Variants in PTPRD observed in about 807,000 individuals in gnomAD.
PTPRD encodes the protein receptor-type tyrosine-protein phosphatase delta.
In PTPRD, 34 loss-of-function variants were observed where a neutral mutation model predicts 214.5. The observed-to-expected ratio is 0.16, with a 90% CI of 0.12 to 0.21. The LOEUF (loss-of-function observed/expected upper bound fraction) is 0.21, where lower values mean the gene tolerates loss of function less well. PTPRD is among the 10% of genes least tolerant of loss of function. PTPRD has a pLI of 1.00. For missense variants in PTPRD, 2,545 were observed against 2,398.7 expected, an observed-to-expected ratio of 1.06 and a Z score of -1.27; for synonymous variants, 1,128 against 845.7, an observed-to-expected ratio of 1.33 and a Z score of -5.79.
chr9:9,077,220 G>A (rs1192844756), intron 10 of PTPRD, among the ~76,000 whole-genome samples: 1 of 150,546 alleles, frequency 6.6e-6, no homozygotes, highest in Non-Finnish European at 1.5e-5. Context: ...CCCTTCATGA[G>A]ATGTGATGTA....
At chr9:10,363,175 G>T (rs1421954071) in intron 2 of PTPRD, among the ~76,000 whole-genome samples, 1 of 152,066 alleles carries the variant, frequency 6.6e-6, no homozygotes, top group African/African-American at 2.4e-5. Flanking sequence ...TGTGAATCTT[G>T]TTAAAATGCA....
intron 10 of PTPRD, among the ~76,000 whole-genome samples, chr9:9,136,687 G>C (rs1376335964): frequency 6.6e-6 from 1 of 152,114 alleles, no homozygotes; most frequent in Non-Finnish European, 1.5e-5. Context: ...GATTTTCAAA[G>C]AGGGCAGCAG....
At chr9:8,775,971 T>G (rs995515750) in intron 11 of PTPRD, among the ~76,000 whole-genome samples, 9 of 152,188 alleles carry the variant, frequency 5.9e-5, no homozygotes, top group African/African-American at 1.9e-4. Flanking sequence ...GTAGGTAAAG[T>G]TGATGGACAG....
chr9:8,335,352 A>G lies in PTPRD; in HGVS notation c.5379+3570T>C, dbSNP rs184468811. On this transcript the variant is annotated intron_variant, in intron 43 of 45. Coordinates refer to ENST00000381196, the MANE Select transcript of PTPRD (RefSeq NM_002839.4). ...GCTTGTTCAACATACACAAATCAATAAACATAATCCATCACATACACAGAA... is the reference window on the plus strand; with the variant it reads ...GCTTGTTCAACATACACAAATCAATGAACATAATCCATCACATACACAGAA... Among the ~76,000 whole-genome samples the G allele has an allele frequency of 1.5e-3, 226 of 152,202 alleles. 3 individuals carry two copies. In the East Asian group the frequency reaches 0.024, roughly 16 times the overall value.
intron 7 of PTPRD, among the ~76,000 whole-genome samples, chr9:9,592,313 T>C (rs1008246921): frequency 6.6e-5 from 10 of 151,956 alleles, no homozygotes; most frequent in African/African-American, 2.4e-4. Context: ...GCGAAACAAA[T>C]TCAAACAAAA....
chr9:9,862,001 C>G (rs115109378), intron 5 of PTPRD, among the ~76,000 whole-genome samples: 1,935 of 152,204 alleles, frequency 0.013, 46 homozygotes, highest in African/African-American at 0.044. Context: ...ATGGCCATCA[C>G]TGTCTGCATA....
chr9:8,939,041 A>T (rs1189519247), intron 11 of PTPRD, among the ~76,000 whole-genome samples: 1 of 152,074 alleles, frequency 6.6e-6, no homozygotes, highest in Admixed American at 6.6e-5. Flanking sequence ...CGGATGTTTT[A>T]TTTATTTTTT....
At chr9:8,483,608 C>G (rs1488501613) in intron 30 of PTPRD, among the ~76,000 whole-genome samples, 3 of 152,034 alleles carry the variant, frequency 2.0e-5, no homozygotes, top group Non-Finnish European at 4.4e-5. Flanking sequence ...AAAAATTAGC[C>G]AGACATGGCG....
chr9:9,905,631 G>T (rs1023524075), intron 5 of PTPRD, among the ~76,000 whole-genome samples: 71 of 151,940 alleles, frequency 4.7e-4, no homozygotes, highest in African/African-American at 1.6e-3. Flanking sequence ...CAAATGACAT[G>T]CTATAAAACT....
intron 7 of PTPRD, among the ~76,000 whole-genome samples, chr9:9,612,900 C>A (rs2154346384): frequency 6.6e-6 from 1 of 151,778 alleles, no homozygotes; most frequent in Non-Finnish European, 1.5e-5. Context: ...AAAAACAATA[C>A]TGAGATATTT....
chr9:9,413,669 G>A (rs991189005), intron 8 of PTPRD, among the ~76,000 whole-genome samples: 2 of 152,108 alleles, frequency 1.3e-5, no homozygotes, highest in Admixed American at 6.5e-5. Flanking sequence ...GGCAATCTTG[G>A]TTCTGTCCTT....
At chr9:10,461,820 C>A (rs985472082) in intron 2 of PTPRD, among the ~76,000 whole-genome samples, 33 of 152,018 alleles carry the variant, frequency 2.2e-4, no homozygotes, top group African/African-American at 8.0e-4. Context: ...CGGGGTTTAA[C>A]CATGTTGGCC....
At chr9:10,602,118 T>C (rs1041378108) in intron 2 of PTPRD, among the ~76,000 whole-genome samples, 5 of 151,804 alleles carry the variant, frequency 3.3e-5, no homozygotes, top group Admixed American at 6.6e-5. Context: ...TCCCTCCTAA[T>C]GTAGGGAAAC....
intron 7 of PTPRD, among the ~76,000 whole-genome samples, chr9:9,584,055 G>A (rs144026351): frequency 2.2e-4 from 33 of 152,060 alleles, no homozygotes; most frequent in African/African-American, 7.5e-4. Context: ...CTGGATTTTT[G>A]TTGAAATACA....
At chr9:8,840,749 A>G (rs2097542133) in intron 11 of PTPRD, among the ~76,000 whole-genome samples, 1 of 150,672 alleles carries the variant, frequency 6.6e-6, no homozygotes, top group Non-Finnish European at 1.5e-5. Flanking sequence ...TATCATGCCC[A>G]TTCTTAATTT....
chr9:8,341,011 T>C, intron 41 of PTPRD, 79 bp downstream of exon 41: 4 of 1,351,820 alleles, frequency 3.0e-6, no homozygotes, highest in Non-Finnish European at 3.0e-6. Context: ...TGAATGGAGA[T>C]GAAATTTATT....
Position 10,378,760 on chromosome 9 carries a change from G to A in PTPRD, c.-599-37743C>T, listed in dbSNP as rs376828841. On this transcript the variant is annotated intron_variant, in intron 2 of 45. Transcript: ENST00000381196. ...GAAGTCAGGTAATGTGAATCCCCTG[G>A]TTTTGTACCTTTTGCATAGAATAGT... Among the ~76,000 whole-genome samples the A allele has an allele frequency of 1.8e-4, 27 of 152,114 alleles. 1 individual carries two copies. Among genetic ancestry groups the A allele is most frequent in the African/African-American group, 5.5e-4 (23 of 41,536 alleles).
chr9:10,132,737 G>GT (rs1357619629), intron 3 of PTPRD, among the ~76,000 whole-genome samples: 1 of 152,134 alleles, frequency 6.6e-6, no homozygotes, highest in African/African-American at 2.4e-5. Flanking sequence ...ATTTTAGTAG[G>GT]TCATGCTTCT....
chr9:9,761,166 A>G (rs1422449035), intron 6 of PTPRD, among the ~76,000 whole-genome samples: 1 of 152,220 alleles, frequency 6.6e-6, no homozygotes, highest in Non-Finnish European at 1.5e-5. Context: ...ACAGATAAAA[A>G]GTTAAACTGT....
Sources: gnomAD v4.1 joint callset for allele counts (sites outside exome capture counted in the v4.1 genomes callset) on GRCh38, gnomAD v4.1.1 for gene constraint, MANE v1.5 for transcripts, NCBI Gene and HGNC (gene_info 2026-07-23, HGNC 2026-07-21) for gene names.